PIGN: variants seen among roughly 807,000 people sequenced by gnomAD.
PIGN encodes GPI ethanolamine phosphate transferase 1.
In PIGN, 117 loss-of-function variants were observed where a neutral mutation model predicts 125.4. The observed-to-expected ratio is 0.93, with a 90% confidence interval of 0.80 to 1.09. The LOEUF (loss-of-function observed/expected upper bound fraction) is 1.09, where lower values mean the gene tolerates loss of function less well. Ranked by LOEUF, PIGN falls within the 50% of genes least tolerant of loss-of-function variation. The probability of loss-of-function intolerance (pLI) is 0.00; values close to 1 mark genes in which losing one functional copy is unlikely to be tolerated. For synonymous variants in PIGN, 392 were observed against 377.8 expected, an observed-to-expected ratio of 1.04 and a Z score of -0.44; for missense variants, 1,075 against 1,094.9, an observed-to-expected ratio of 0.98 and a Z score of 0.26.
chr18:62,040,444 A>G (rs1335600274), downstream of PIGN, among the ~76,000 whole-genome samples: 1 of 152,134 alleles, frequency 6.6e-6, no homozygotes, highest in East Asian at 1.9e-4. Context: ...ATGTTCCTAT[A>G]TTGATATTTG....
At chr18:62,123,523 C>A (rs1007018817) in intron 14 of PIGN, 13 of 151,872 alleles carry the variant, frequency 8.6e-5, no homozygotes, top group Non-Finnish European at 1.8e-4. Context: ...TTCCATAGAC[C>A]AAATCAGGAT....
chr18:62,161,187 G>A lies in PIGN; in HGVS notation c.167C>T (p.Ala56Val), dbSNP rs61755362. The A allele has an allele frequency of 0.012, 19,627 of 1,613,728 alleles. 212 individuals carry two copies. The highest frequency in any genetic ancestry group is 0.013 in the Non-Finnish European group (15,050 of 1,179,674). The stretch of plus-strand genomic sequence containing the variant: ...TTCATCTAATTCGTAAAGTGCATCT[G>A]CTCGAAGGCCATCAGCAACAAACAA... ...LVLFVADGLR[A>V]DALYELDENG... The change falls in exon 4 of 31, where the codon GCA becomes GTA. Residue 56 changes from alanine (A) to valine (V), a missense_variant. This residue lies in a region of PIGN where 152 missense variants were observed against 162.9 expected (regional missense o/e 0.93). Coordinates refer to ENST00000640252, the MANE Select transcript of PIGN (RefSeq NM_176787.5).
At chr18:62,172,085 T>G (rs768018177) in intron 1 of PIGN, among the ~76,000 whole-genome samples, 4 of 152,164 alleles carry the variant, frequency 2.6e-5, no homozygotes, top group Non-Finnish European at 5.9e-5. Flanking sequence ...GGGGTTTTCT[T>G]TGTGACAAGG....
intron 23 of PIGN, among the ~76,000 whole-genome samples, chr18:62,034,621 A>G (rs1158214247): frequency 1.3e-5 from 2 of 152,206 alleles, no homozygotes; most frequent in African/African-American, 4.8e-5. Flanking sequence ...TTGAAGCTTT[A>G]AGATTTAATT....
intron 7 of PIGN, among the ~76,000 whole-genome samples, chr18:62,152,698 A>C (rs2036579535): frequency 6.6e-6 from 1 of 152,078 alleles, no homozygotes; most frequent in Non-Finnish European, 1.5e-5. Flanking sequence ...AAAAAACAAA[A>C]TGGTTGTATG....
chr18:62,122,193 A>G (rs1568199482), intron 14 of PIGN, among the ~76,000 whole-genome samples: 1 of 152,170 alleles, frequency 6.6e-6, no homozygotes, highest in African/African-American at 2.4e-5. Flanking sequence ...GAACAGAATA[A>G]TTAAAAAGAT....
At chr18:62,073,665 T>TAATG (rs2033015832) in intron 29 of PIGN, among the ~76,000 whole-genome samples, 1 of 152,182 alleles carries the variant, frequency 6.6e-6, no homozygotes. Context: ...ATACAATGAA[T>TAATG]AATGGTTCAC....
chr18:62,086,106 A>C (rs2033685698), intron 25 of PIGN, among the ~76,000 whole-genome samples: 1 of 152,234 alleles, frequency 6.6e-6, no homozygotes, highest in Admixed American at 6.5e-5. Context: ...GATAGGCACT[A>C]AGAATATAAA....
chr18:62,096,494 T>G (rs10432259), intron 22 of PIGN, among the ~76,000 whole-genome samples: 43,462 of 144,628 alleles, frequency 0.3, 7,662 homozygotes, highest in East Asian at 0.58. Context: ...ATAATAATAT[T>G]AACTCAAAAA....
At chr18:62,025,095 TG>T (rs2030100431) in intron 23 of PIGN, among the ~76,000 whole-genome samples, 1 of 152,184 alleles carries the variant, frequency 6.6e-6, no homozygotes, top group Non-Finnish European at 1.5e-5. Context: ...TAGGCAAAAA[TG>T]TTATATCTCT....
intron 23 of PIGN, chr18:62,017,762 A>T (rs554643214): frequency 2.0e-5 from 3 of 152,260 alleles, no homozygotes; most frequent in Admixed American, 2.0e-4. Flanking sequence ...GGAGAAAAAA[A>T]AAAAAGCATG....
rs141114233 is a variant in PIGN, at chr18:62,135,270, T to G, written c.1172+2973A>C. 1.6e-3 allele frequency among the ~76,000 whole-genome samples: 246 copies of G among 152,338 alleles called. 1 individual carries two copies. The highest frequency in any genetic ancestry group is 5.5e-3 in the African/African-American group (229 of 41,570). On this transcript the variant is annotated intron_variant, in intron 14 of 30. Transcript: ENST00000640252. ...TAGGTTTGGTTCTGTTCCTTGAATT[T>G]CATATGACCTCAAGAGTCCATTTCT... is the stretch of plus-strand genomic sequence containing the variant.
intron 4 of PIGN, 37 bp from the exon 5 acceptor site, chr18:62,157,845 A>G (rs914777296): frequency 3.2e-5 from 50 of 1,552,066 alleles, no homozygotes; most frequent in Non-Finnish European, 4.1e-5. Flanking sequence ...AACACAGACT[A>G]TGATTAGATA....
At chr18:62,026,762 G>C (rs2030124276) in intron 23 of PIGN, among the ~76,000 whole-genome samples, 2 of 152,142 alleles carry the variant, frequency 1.3e-5, no homozygotes, top group African/African-American at 4.8e-5. Flanking sequence ...TTGGGAACTT[G>C]ACAGACATAT....
chr18:62,063,236 T>G (rs142536818), intron 30 of PIGN, among the ~76,000 whole-genome samples: 87 of 147,182 alleles, frequency 5.9e-4, no homozygotes, highest in East Asian at 3.1e-3. Context: ...ATAGATTTTA[T>G]CCAAAATCTA....
chr18:62,140,490 A>G lies in PIGN; in HGVS notation c.964-11T>C. ...TGGTGCAATATCAGCCTACAAATAAAAAAGCTCAATTCTAAGAAGTCTATG... is the reference window on the plus strand; with the variant it reads ...TGGTGCAATATCAGCCTACAAATAAGAAAGCTCAATTCTAAGAAGTCTATG... On this transcript the variant is annotated splice_polypyrimidine_tract_variant and intron_variant, in intron 11 of 30. Coordinates refer to ENST00000640252, the MANE Select transcript of PIGN (RefSeq NM_176787.5). 1 of 1,491,238 alleles carries G rather than the reference A, an allele frequency of 6.7e-7. No individual in the cohort carries two copies. Among genetic ancestry groups the G allele is most frequent in the Non-Finnish European group, 9.2e-7 (1 of 1,084,026 alleles). The allele number at this position is 1,491,238 out of a possible 1,614,324, so 92.4% of individuals were successfully genotyped here. A position where few individuals can be genotyped will look rare whatever the true frequency, so the allele number is the denominator to read the frequency against.
rs2030477404 is a variant in PIGN at position 62,043,870 on chromosome 18, T to A, written c.*1986A>T. 6.6e-6 allele frequency: 1 copy of A among 152,232 alleles called. No homozygotes were observed. Among genetic ancestry groups the A allele is most frequent in the Non-Finnish European group, 1.5e-5 (1 of 68,034 alleles). The allele number at this position is 152,232 out of a possible 1,614,324, so 9.4% of individuals were successfully genotyped here. A position where few individuals can be genotyped will look rare whatever the true frequency, so the allele number is the denominator to read the frequency against. On this transcript the variant is annotated 3_prime_UTR_variant, in exon 31 of 31. Transcript: ENST00000640252. The stretch of plus-strand genomic sequence containing the variant: ...AATGTCCTAAGTCTTGATTCAGAAA[T>A]CTATGGCATAGGTAGAATGAAAAAA...
chr18:62,101,673 ATGT>A (rs1218503283), intron 21 of PIGN, among the ~76,000 whole-genome samples: 1 of 152,152 alleles, frequency 6.6e-6, no homozygotes, highest in Non-Finnish European at 1.5e-5. Flanking sequence ...AATCCTTCAA[ATGT>A]TGTATATTTT....
At chr18:62,167,937 C>T (rs62096077) in intron 1 of PIGN, among the ~76,000 whole-genome samples, 88,559 of 151,782 alleles carry the variant, frequency 0.58, 26,601 homozygotes, top group East Asian at 0.79. Context: ...CTCACGCTTG[C>T]AATCCCAGCA....
Sources: allele counts gnomAD v4.1 joint callset (sites outside exome capture counted in the v4.1 genomes callset), GRCh38; gene constraint gnomAD v4.1.1; regional missense constraint gnomAD v4.1.1; transcripts MANE v1.5; gene names NCBI Gene and HGNC (gene_info 2026-07-23, HGNC 2026-07-21).